EVC2: variants seen among roughly 807,000 people sequenced by gnomAD.
EVC2 encodes the protein EvC ciliary complex subunit 2, also known as limbin.
A neutral mutation model predicts 149.3 loss-of-function variants in EVC2; 148 were observed. The ratio of observed to expected loss-of-function variants is 0.99; its 90% confidence interval spans 0.87 to 1.14. EVC2 has a LOEUF of 1.14. Ranked by LOEUF, EVC2 falls within the 50% of genes most tolerant of loss-of-function variation. EVC2 has a pLI of 0.00. For synonymous variants in EVC2, 776 were observed against 649.9 expected, an observed-to-expected ratio of 1.19 and a Z score of -2.95; for missense variants, 1,854 against 1,627.3, an observed-to-expected ratio of 1.14 and a Z score of -2.40.
At chr4:5,700,876 A>G (rs1721780470) in intron 1 of EVC2, among the ~76,000 whole-genome samples, 5 of 120,048 alleles carry the variant, frequency 4.2e-5, no homozygotes, top group Admixed American at 3.8e-4. Context: ...CATCGCACAC[A>G]CTTACCAGCA....
intron 9 of EVC2, among the ~76,000 whole-genome samples, chr4:5,646,610 G>A (rs879606661): frequency 6.6e-6 from 1 of 152,108 alleles, no homozygotes; most frequent in Non-Finnish European, 1.5e-5. Context: ...TATTTCTCTT[G>A]TATTTTATCA....
chr4:5,660,190 C>A (rs536958452), intron 9 of EVC2, among the ~76,000 whole-genome samples: 3 of 152,152 alleles, frequency 2.0e-5, no homozygotes, highest in African/African-American at 7.2e-5. Flanking sequence ...CTTAATTAAC[C>A]AAGCCACACA....
chr4:5,629,034 G>A (rs988189939), intron 11 of EVC2, among the ~76,000 whole-genome samples: 1 of 152,142 alleles, frequency 6.6e-6, no homozygotes, highest in Non-Finnish European at 1.5e-5. Context: ...CTTCATCCAT[G>A]CACGCTCCCT....
Position 5,622,737 on chromosome 4 carries a change from C to A in EVC2, c.2301G>T (p.Gly767=), listed in dbSNP as rs374178504. The A allele has an allele frequency of 6.2e-7, 1 of 1,613,968 alleles. No homozygotes were observed. Among genetic ancestry groups the A allele is most frequent in the African/African-American group, 1.3e-5 (1 of 74,882 alleles). ...SAMTQELLKR[G]VPWLFLQQIL... is the part of the protein sequence containing the mutation. Reference sequence around the variant, plus strand: ...TCTGCTGCAGGAAGAGCCAGGGCACCCCACGCTTGAGCAGCTCCTGGGTCA... The same window carrying A: ...TCTGCTGCAGGAAGAGCCAGGGCACACCACGCTTGAGCAGCTCCTGGGTCA... Residue 767 remains glycine (G), a synonymous_variant, in exon 14 of 22, where the codon GGG becomes GGT. Coordinates refer to ENST00000344408, the MANE Select transcript of EVC2 (RefSeq NM_147127.5). The surrounding 1 kb of genome is among the most constrained non-coding windows in gnomAD (Gnocchi z 5.8).
chr4:5,577,729 A>G (rs907114331), intron 17 of EVC2, among the ~76,000 whole-genome samples: 1 of 152,120 alleles, frequency 6.6e-6, no homozygotes, highest in Non-Finnish European at 1.5e-5. Flanking sequence ...ATCCCCCCCA[A>G]GCATTTGGGT....
intron 9 of EVC2, among the ~76,000 whole-genome samples, chr4:5,641,925 G>A (rs902399804): frequency 5.3e-5 from 8 of 152,074 alleles, no homozygotes; most frequent in African/African-American, 1.9e-4. Flanking sequence ...TTGTCTTAAT[G>A]CTCTTCCTCC....
intron 9 of EVC2, among the ~76,000 whole-genome samples, chr4:5,647,161 G>A (rs1577203331): frequency 6.6e-6 from 1 of 152,218 alleles, no homozygotes; most frequent in East Asian, 1.9e-4. Flanking sequence ...GACCTGTGGC[G>A]AGGATACCCA....
intron 10 of EVC2, among the ~76,000 whole-genome samples, chr4:5,639,718 C>T (rs577804227): frequency 7.9e-5 from 12 of 152,310 alleles, no homozygotes; most frequent in East Asian, 5.8e-4. Context: ...GAGGGGGACA[C>T]GTGGACTCTG....
At chr4:5,585,036 C>T (rs901076688) in intron 16 of EVC2, among the ~76,000 whole-genome samples, 186 bp from the exon 17 acceptor site, 1 of 152,144 alleles carries the variant, frequency 6.6e-6, no homozygotes, top group Non-Finnish European at 1.5e-5. Flanking sequence ...TATGAAGACG[C>T]CAGGGGCTTG....
intron 3 of EVC2, among the ~76,000 whole-genome samples, chr4:5,692,390 C>G (rs2151734836): frequency 6.6e-6 from 1 of 152,234 alleles, no homozygotes. Context: ...ACTTTACATA[C>G]ATGAGTTCTA....
chr4:5,587,416 T>A (rs970907052), intron 16 of EVC2, among the ~76,000 whole-genome samples: 1 of 152,250 alleles, frequency 6.6e-6, no homozygotes, highest in Non-Finnish European at 1.5e-5. Flanking sequence ...TCAAAGTTCA[T>A]CTACTTGTTG....
At chr4:5,692,098 C>A (rs1207307409) in intron 3 of EVC2, among the ~76,000 whole-genome samples, 1 of 152,222 alleles carries the variant, frequency 6.6e-6, no homozygotes, top group East Asian at 1.9e-4. Context: ...GCCTTGCGCA[C>A]CTGTCACCTG....
rs544816340 is a variant in EVC2 at position 5,554,808 on chromosome 4, T to A, written c.3419+10450A>T. Among the ~76,000 whole-genome samples the A allele has an allele frequency of 6.6e-5, 10 of 152,342 alleles. No individual in the cohort carries two copies. The South Asian group carries it at 2.1e-3, about 32-fold the overall frequency. On this transcript the variant is annotated intron_variant and NMD_transcript_variant, in intron 21 of 22. Coordinates refer to the EVC2 transcript ENST00000475313. ...ATATAATTTCATCCATAAATATTTG[T>A]GTGCATCTCCAAAAGATGAGTCCTT...
intron 14 of EVC2, among the ~76,000 whole-genome samples, chr4:5,620,961 A>G (rs926533401): frequency 1.3e-5 from 2 of 152,224 alleles, no homozygotes; most frequent in Non-Finnish European, 2.9e-5. Context: ...ACATTTAAGG[A>G]TCTGATTTTT....
At chr4:5,689,007 G>T in intron 5 of EVC2, 150 bp downstream of exon 5, 1 of 820,994 alleles carries the variant, frequency 1.2e-6, no homozygotes, top group African/African-American at 1.7e-5. Flanking sequence ...CTCTTTTTTT[G>T]ATACCCTGAT....
chr4:5,585,389 T>C (rs1331893865), intron 16 of EVC2, among the ~76,000 whole-genome samples: 1 of 152,192 alleles, frequency 6.6e-6, no homozygotes, highest in Admixed American at 6.5e-5. Context: ...AATTCTACTA[T>C]TTGTCTTTTG....
At chr4:5,676,093 C>T (rs2151718798) in intron 7 of EVC2, among the ~76,000 whole-genome samples, 1 of 152,284 alleles carries the variant, frequency 6.6e-6, no homozygotes, top group East Asian at 1.9e-4. Flanking sequence ...CGGCACAGTA[C>T]CCAGCCCTTT....
At chr4:5,558,611 G>A (rs1325865161), downstream of EVC2, among the ~76,000 whole-genome samples, 1 of 152,134 alleles carries the variant, frequency 6.6e-6, no homozygotes, top group Non-Finnish European at 1.5e-5. Flanking sequence ...AGAATTCCAG[G>A]AAGCAATGCA....
At chr4:5,570,626 C>T (rs1471655193) in intron 19 of EVC2, among the ~76,000 whole-genome samples, 1 of 152,170 alleles carries the variant, frequency 6.6e-6, no homozygotes, top group Non-Finnish European at 1.5e-5. Context: ...ACCATTCGAT[C>T]CAGCAGTCCC....
Sources: allele counts gnomAD v4.1 joint callset (sites outside exome capture counted in the v4.1 genomes callset), GRCh38; gene constraint gnomAD v4.1.1; non-coding constraint Gnocchi (gnomAD v3.1); transcripts MANE v1.5; gene names NCBI Gene and HGNC (gene_info 2026-07-23, HGNC 2026-07-21).